CCNYL1: variants seen among roughly 807,000 people sequenced by gnomAD.
CCNYL1 encodes cyclin-Y-like protein 1.
In CCNYL1, 16 loss-of-function variants were observed where a neutral mutation model predicts 44.2. The observed-to-expected ratio is 0.36, with a 90% CI of 0.25 to 0.55. The LOEUF (loss-of-function observed/expected upper bound fraction) is 0.55. Among genes scored for constraint, CCNYL1 ranks in the 20% least tolerant of loss-of-function variants. The pLI is 0.85. For synonymous variants in CCNYL1, 159 were observed against 163.2 expected, an observed-to-expected ratio of 0.97 and a Z score of 0.20; for missense variants, 348 against 451.8, an observed-to-expected ratio of 0.77 and a Z score of 2.08.
At chr2:207,717,863 A>G (rs1473934909) in intron 1 of CCNYL1, among the ~76,000 whole-genome samples, 1 of 151,618 alleles carries the variant, frequency 6.6e-6, no homozygotes, top group African/African-American at 2.4e-5. Flanking sequence ...TAGTTGTGAT[A>G]GGAAACCATT....
At chr2:207,752,277 C>T (rs901587718) in intron 9 of CCNYL1, among the ~76,000 whole-genome samples, 2 of 152,102 alleles carry the variant, frequency 1.3e-5, no homozygotes, top group South Asian at 4.1e-4. Flanking sequence ...CATGGTGGCT[C>T]ACACCTGTAA....
At chr2:207,749,200 AGCTAT>A (rs2091875433) in intron 8 of CCNYL1, among the ~76,000 whole-genome samples, 1 of 152,216 alleles carries the variant, frequency 6.6e-6, no homozygotes, top group African/African-American at 2.4e-5. Context: ...AAGCACCAGG[AGCTAT>A]GCTACAAACA....
At chr2:207,742,544 CA>C (rs2091819440) in intron 7 of CCNYL1, among the ~76,000 whole-genome samples, 1 of 152,166 alleles carries the variant, frequency 6.6e-6, no homozygotes. Context: ...CATCACAGAA[CA>C]GTTGCTACAA....
chr2:207,739,483 G>A (rs1250198441), intron 5 of CCNYL1, among the ~76,000 whole-genome samples: 1 of 152,188 alleles, frequency 6.6e-6, no homozygotes, highest in Admixed American at 6.5e-5. Flanking sequence ...ACCCGCCTCA[G>A]CCTCCCAAGG....
chr2:207,755,546 A>G lies in CCNYL1; in HGVS notation c.*1848A>G, dbSNP rs761463529. The stretch of plus-strand genomic sequence containing the variant: ...AGTTACCCGCAGAGCTGTGCTCTAT[A>G]TGCTTTGATTACCGCAGTTTCTTTA... On this transcript the variant is annotated 3_prime_UTR_variant, in exon 10 of 10. Coordinates refer to ENST00000295414, the MANE Select transcript of CCNYL1 (RefSeq NM_001330218.2). 3.9e-5 allele frequency: 6 copies of G among 152,230 alleles called. No homozygotes were observed. Among genetic ancestry groups the G allele is most frequent in the African/African-American group, 1.2e-4 (5 of 41,456 alleles). The allele number at this position is 152,230 out of a possible 1,614,324, so 9.4% of individuals were successfully genotyped here. A position where few individuals can be genotyped will look rare whatever the true frequency, so the allele number is the denominator to read the frequency against.
chr2:207,741,890 C>T lies in CCNYL1; in HGVS notation c.520-333C>T, dbSNP rs550535925. 3.3e-4 allele frequency among the ~76,000 whole-genome samples: 49 copies of T among 150,026 alleles called. No homozygotes were observed. In the South Asian group the frequency reaches 5.9e-3, roughly 18 times the overall value. On this transcript the variant is annotated intron_variant, in intron 6 of 9. Coordinates refer to ENST00000295414, the MANE Select transcript of CCNYL1 (RefSeq NM_001330218.2). ...CTTAGGCCGGGCGTGGTGTCTCACG[C>T]GTGTAATCCCAGCACTTTGGGAGGC... is the stretch of plus-strand genomic sequence containing the variant.
intron 6 of CCNYL1, 138 bp from the exon 7 acceptor site, chr2:207,742,085 A>C (rs953720004): frequency 4.3e-6 from 3 of 700,462 alleles, no homozygotes; most frequent in Non-Finnish European, 6.8e-6. Context: ...CGGGGGGTAG[A>C]GGTTGCAGTG....
At chr2:207,717,095 C>T (rs867534690) in intron 1 of CCNYL1, among the ~76,000 whole-genome samples, 6 of 139,692 alleles carry the variant, frequency 4.3e-5, no homozygotes, top group Middle Eastern at 7.9e-3. Flanking sequence ...GGTGACGGAG[C>T]GAGACTCCAT....
intron 3 of CCNYL1, among the ~76,000 whole-genome samples, 161 bp from the exon 4 acceptor site, chr2:207,733,786 T>C (rs547035522): frequency 1.3e-5 from 2 of 152,364 alleles, no homozygotes; most frequent in East Asian, 3.9e-4. Context: ...GAGCCTCCAC[T>C]GGGTTTCCCA....
intron 4 of CCNYL1, among the ~76,000 whole-genome samples, chr2:207,735,813 G>A (rs1325556481): frequency 2.0e-5 from 3 of 151,928 alleles, no homozygotes; most frequent in East Asian, 1.9e-4. Context: ...GCAGTGAGCC[G>A]AGATTGTGCC....
chr2:207,716,191 A>G (rs2091593782), intron 1 of CCNYL1, among the ~76,000 whole-genome samples: 1 of 152,096 alleles, frequency 6.6e-6, no homozygotes, highest in African/African-American at 2.4e-5. Flanking sequence ...GAGCTTTGCT[A>G]ATTTGCTGGC....
intron 1 of CCNYL1, among the ~76,000 whole-genome samples, chr2:207,724,099 C>T (rs988477458): frequency 6.6e-6 from 1 of 152,014 alleles, no homozygotes; most frequent in African/African-American, 2.4e-5. Flanking sequence ...TTAGAAACAG[C>T]CCTAAGATCT....
At chr2:207,746,797 GA>G (rs1231933304) in intron 7 of CCNYL1, among the ~76,000 whole-genome samples, 1 of 152,150 alleles carries the variant, frequency 6.6e-6, no homozygotes, top group Non-Finnish European at 1.5e-5. Context: ...CCAAAATGGA[GA>G]AACCCCGTCT....
At chr2:207,712,185 G>T in intron 1 of CCNYL1, 69 bp downstream of exon 1, 1 of 1,368,562 alleles carries the variant, frequency 7.3e-7, no homozygotes. Context: ...AGAGTCCCCC[G>T]GGAGGCATCC....
At chr2:207,714,361 T>A (rs1425174473) in intron 1 of CCNYL1, 1 of 420,902 alleles carries the variant, frequency 2.4e-6, no homozygotes, top group South Asian at 1.7e-5. Flanking sequence ...CTCACTGTGT[T>A]GACCAGGCTG....
At chr2:207,724,904 G>T in intron 2 of CCNYL1, 30 bp downstream of exon 2, 1 of 1,499,602 alleles carries the variant, frequency 6.7e-7, no homozygotes, top group South Asian at 1.2e-5. Context: ...TCCTTCCAAG[G>T]AAAAGACTGA....
intron 7 of CCNYL1, among the ~76,000 whole-genome samples, chr2:207,745,264 C>T (rs913408482): frequency 5.3e-5 from 8 of 152,166 alleles, no homozygotes; most frequent in South Asian, 2.1e-4. Flanking sequence ...TTCAAAAAGA[C>T]GCAGTTGCGG....
intron 1 of CCNYL1, among the ~76,000 whole-genome samples, chr2:207,716,846 A>T (rs1043562065): frequency 1.3e-5 from 2 of 152,320 alleles, no homozygotes; most frequent in Admixed American, 1.3e-4. Context: ...GTGGTGGCTC[A>T]CGCCTGTAAT....
chr2:207,724,146 C>T (rs1575211548), intron 1 of CCNYL1, among the ~76,000 whole-genome samples: 1 of 152,086 alleles, frequency 6.6e-6, no homozygotes, highest in African/African-American at 2.4e-5. Context: ...ACCAAATTAA[C>T]CATGCTGTTA....
Sources: gnomAD v4.1 joint callset for allele counts (sites outside exome capture counted in the v4.1 genomes callset) on GRCh38, gnomAD v4.1.1 for gene constraint, MANE v1.5 for transcripts, NCBI Gene and HGNC (gene_info 2026-07-23, HGNC 2026-07-21) for gene names.